The following NADK variants were observed in gnomAD, a reference collection of about 807,000 sequenced individuals.
NADK encodes poly(P)/ATP NAD kinase.
Under a neutral mutation model 49.8 loss-of-function variants are expected in NADK, and 22 were observed. That is an observed-to-expected ratio of 0.44 (90% CI 0.32 to 0.63). NADK has a LOEUF of 0.63. Among genes scored for constraint, NADK ranks in the 30% least tolerant of loss-of-function variants. The pLI is 0.06. For synonymous variants in NADK, 268 were observed against 253.7 expected, an observed-to-expected ratio of 1.06 and a Z score of -0.54; for missense variants, 438 against 609.4, an observed-to-expected ratio of 0.72 and a Z score of 2.96.
Position 1,757,227 on chromosome 1 carries a change from G to C in NADK, c.347C>G (p.Ala116Gly). 1 of 1,613,216 alleles carries C rather than the reference G, an allele frequency of 6.2e-7. No individual in the cohort carries two copies. Among genetic ancestry groups the C allele is most frequent in the Non-Finnish European group, 8.5e-7 (1 of 1,179,780 alleles). The change falls in exon 4 of 12, where the codon GCC (alanine) becomes GGC (glycine). Residue 116 changes from alanine to glycine, a missense_variant. Coordinates refer to ENST00000341426, the MANE Select transcript of NADK (RefSeq NM_023018.5). ...CTCCTTGAACGGCTGCAGTAGGCTG[G>C]CATCTCTCATCTTCTTGATGACAAG... The part of the protein sequence containing the change: ...SVLVIKKMRD[A>G]SLLQPFKELC...
At chr1:1,763,770 C>T (rs1570549111) in intron 2 of NADK, among the ~76,000 whole-genome samples, 1 of 152,088 alleles carries the variant, frequency 6.6e-6, no homozygotes, top group Admixed American at 6.5e-5. Context: ...TATGCTTGGG[C>T]GTATTTGGCT....
At chr1:1,774,172 TACA>T (rs1557865396) in intron 1 of NADK, among the ~76,000 whole-genome samples, 1 of 150,300 alleles carries the variant, frequency 6.7e-6, no homozygotes, top group African/African-American at 2.4e-5. Context: ...TGTATATATA[TACA>T]CACACACACA....
chr1:1,762,759 AAATGAATGAATG>A lies in NADK; in HGVS notation c.180-736_180-725del, dbSNP rs145189624. Among the ~76,000 whole-genome samples the A allele has an allele frequency of 2.2e-3, 326 of 149,064 alleles. 2 individuals are homozygous for A. The highest frequency in any genetic ancestry group is 7.5e-3 in the African/African-American group (292 of 39,190). ...CTGAAAAAAGTGAAACTCTGTCTCAAAATGAATGAATGAATGAATGAATGAATGAATGAATAA... is the reference window on the plus strand; with the variant it reads ...CTGAAAAAAGTGAAACTCTGTCTCAAAATGAATGAATGAATGAATGAATAA... On this transcript the variant is annotated intron_variant, in intron 2 of 11. Transcript: ENST00000341426.
At chr1:1,765,543 A>C (rs1461943700) in intron 1 of NADK, 97 bp from the exon 2 acceptor site, 1 of 604,504 alleles carries the variant, frequency 1.7e-6, no homozygotes, top group East Asian at 3.4e-5. Context: ...ATCAAGGGGA[A>C]AAAATGGCTG....
At position 1,754,023 on chromosome 1, in the gene NADK, C is replaced by A; in HGVS notation, c.1101+28G>T. On this transcript the variant is annotated intron_variant, in intron 10 of 11. Coordinates refer to ENST00000341426, the MANE Select transcript of NADK (RefSeq NM_023018.5). The surrounding 1 kb of genome is among the most constrained non-coding windows in gnomAD (Gnocchi z 4.3). ...TGCACGGGGTCAAATGACTCACAAA[C>A]CGGAAAAGGAGTGTCGTTGGCTCTG... The A allele has an allele frequency of 1.9e-6, 3 of 1,545,502 alleles. No individual in the cohort carries two copies. Among genetic ancestry groups the A allele is most frequent in the Admixed American group, 2.1e-5 (1 of 48,304 alleles).
chr1:1,773,170 G>A (rs924782972), intron 1 of NADK, among the ~76,000 whole-genome samples: 3 of 150,728 alleles, frequency 2.0e-5, no homozygotes, highest in African/African-American at 4.9e-5. Flanking sequence ...ACGAAGTCTC[G>A]CTCTTGTCCC....
chr1:1,770,686 C>T (rs1379319365), intron 1 of NADK, among the ~76,000 whole-genome samples: 7 of 151,854 alleles, frequency 4.6e-5, no homozygotes, highest in South Asian at 2.1e-4. Flanking sequence ...GAGCGGAGAT[C>T]GCACCACTGC....
Position 1,754,720 on chromosome 1 carries a change from A to G in NADK, c.689-22T>C. 1 of 1,587,958 alleles carries G rather than the reference A, an allele frequency of 6.3e-7. No individual in the cohort carries two copies. Among genetic ancestry groups the G allele is most frequent in the Middle Eastern group, 1.7e-4 (1 of 5,916 alleles). On this transcript the variant is annotated intron_variant, in intron 7 of 11. Transcript: ENST00000341426. The surrounding 1 kb of genome is among the most constrained non-coding windows in gnomAD (Gnocchi z 4.3). ...TTCCCTGAGGTCCAGCAGGAGTCAGAGGGCATGCATCAGGGAAGTCAGTGG... is the reference window on the plus strand; with the variant it reads ...TTCCCTGAGGTCCAGCAGGAGTCAGGGGGCATGCATCAGGGAAGTCAGTGG...
chr1:1,774,597 G>A (rs1249891569), intron 1 of NADK, among the ~76,000 whole-genome samples: 1 of 150,424 alleles, frequency 6.6e-6, no homozygotes, highest in Non-Finnish European at 1.5e-5. Context: ...TTACGGGCGT[G>A]GCCACTGCGC....
chr1:1,765,499 CAAT>C (rs1645858758), intron 1 of NADK, 53 bp from the exon 2 acceptor site: 2 of 940,868 alleles, frequency 2.1e-6, no homozygotes, highest in Non-Finnish European at 3.0e-6. Flanking sequence ...ATGTATGAAA[CAAT>C]AATAATTTAC....
chr1:1,753,771 G>A (rs897536939), intron 10 of NADK, 122 bp from the exon 11 acceptor site: 12 of 940,588 alleles, frequency 1.3e-5, no homozygotes, highest in African/African-American at 4.9e-5. Flanking sequence ...CTTGCGGACG[G>A]TGCAGTGCAC....
At chr1:1,774,660 C>T (rs1008122480) in intron 1 of NADK, among the ~76,000 whole-genome samples, 2 of 152,104 alleles carry the variant, frequency 1.3e-5, no homozygotes. Flanking sequence ...CAGGCGTGGC[C>T]ACCGTGCGCG....
chr1:1,757,933 C>A (rs903283658), intron 3 of NADK, among the ~76,000 whole-genome samples: 3 of 152,220 alleles, frequency 2.0e-5, no homozygotes, highest in Non-Finnish European at 4.4e-5. Context: ...GCCACCCGCG[C>A]TTTGCTGGCT....
At chr1:1,757,119 T>G in intron 4 of NADK, 62 bp downstream of exon 4, 1 of 1,545,424 alleles carries the variant, frequency 6.5e-7, no homozygotes, top group Non-Finnish European at 8.7e-7. Flanking sequence ...GGCGGTGATG[T>G]GGATGGAGGC....
At chr1:1,757,545 C>G (rs1645570061) in intron 3 of NADK, among the ~76,000 whole-genome samples, 1 of 151,966 alleles carries the variant, frequency 6.6e-6, no homozygotes, top group African/African-American at 2.4e-5. Flanking sequence ...CACGCAGGCT[C>G]AGGCCCACAA....
chr1:1,757,384 T>TA (rs112660978), intron 3 of NADK, 74 bp from the exon 4 acceptor site: 11,865 of 1,106,988 alleles, frequency 0.011, 79 homozygotes, highest in African/African-American at 0.064. Context: ...ACTTAGAAAA[T>TA]AAAAAAAAAA....
At chr1:1,756,110 C>A in intron 6 of NADK, 148 bp downstream of exon 6, 1 of 746,758 alleles carries the variant, frequency 1.3e-6, no homozygotes. Context: ...CCCCACCGGG[C>A]TGCCACCATG....
At chr1:1,769,320 G>A (rs1645977045) in intron 1 of NADK, among the ~76,000 whole-genome samples, 2 of 152,226 alleles carry the variant, frequency 1.3e-5, no homozygotes, top group African/African-American at 4.8e-5. Context: ...GCCGAAGCGG[G>A]CAGATCACCT....
chr1:1,775,860 A>G (rs1646195491), intron 1 of NADK, among the ~76,000 whole-genome samples: 3 of 152,328 alleles, frequency 2.0e-5, no homozygotes, highest in Admixed American at 2.0e-4. Flanking sequence ...TGCAAATGAT[A>G]AGCCACCAGC....
Sources: gnomAD v4.1 joint callset for allele counts (sites outside exome capture counted in the v4.1 genomes callset) on GRCh38, gnomAD v4.1.1 for gene constraint, Gnocchi (gnomAD v3.1) non-coding constraint, MANE v1.5 for transcripts, NCBI Gene and HGNC (gene_info 2026-07-23, HGNC 2026-07-21) for gene names.